Variants in MORC2 observed in about 807,000 individuals in gnomAD.
MORC2 encodes the protein MORC family CW-type zinc finger 2, also known as ATPase MORC2.
A neutral mutation model predicts 136.0 loss-of-function variants in MORC2; 30 were observed. The observed-to-expected ratio is 0.22, with a 90% confidence interval of 0.17 to 0.30. MORC2 has a LOEUF of 0.30. Among genes scored for constraint, MORC2 ranks in the 10% least tolerant of loss-of-function variants. MORC2 has a pLI of 1.00. For synonymous variants in MORC2, 439 were observed against 487.0 expected, an observed-to-expected ratio of 0.90 and a Z score of 1.30; for missense variants, 922 against 1,333.1, an observed-to-expected ratio of 0.69 and a Z score of 4.80.
chr22:30,967,550 G>C (rs1373071741), intron 1 of MORC2: 2 of 1,258,052 alleles, frequency 1.6e-6, no homozygotes, highest in Admixed American at 3.7e-5. Context: ...ACACTTGAAT[G>C]AAACAACTCA....
At chr22:30,967,429 G>A (rs1051983373) in intron 1 of MORC2, 1 of 991,162 alleles carries the variant, frequency 1.0e-6, no homozygotes, top group African/African-American at 1.7e-5. Context: ...GTAAACACTT[G>A]TTATAAACCT....
intron 12 of MORC2, among the ~76,000 whole-genome samples, chr22:30,938,681 T>G (rs1386260059): frequency 6.6e-6 from 1 of 152,176 alleles, no homozygotes; most frequent in African/African-American, 2.4e-5. Flanking sequence ...ACCATTCTCC[T>G]GCCTCAGCCT....
intron 3 of MORC2, 60 bp from the exon 4 acceptor site, chr22:30,950,505 T>C: frequency 6.6e-7 from 1 of 1,520,686 alleles, no homozygotes; most frequent in Non-Finnish European, 9.1e-7. Flanking sequence ...GCAACATGCC[T>C]ATGATCAGAA....
intron 3 of MORC2, among the ~76,000 whole-genome samples, chr22:30,952,767 A>G (rs1447180011): frequency 6.6e-6 from 1 of 152,268 alleles, no homozygotes; most frequent in Non-Finnish European, 1.5e-5. Context: ...GTGCCTGGTT[A>G]TGATGAGGAC....
Position 30,956,749 on chromosome 22 carries a change from A to G in MORC2, c.157+14T>C, listed in dbSNP as rs1333908336. On this transcript the variant is annotated intron_variant, in intron 3 of 25. Coordinates refer to ENST00000397641, the MANE Select transcript of MORC2 (RefSeq NM_001303256.3). ...AGATGAACTAGACATTAGAAGGACT[A>G]AAGCCTGACTTACCTGCATAAATAT... 1 of 1,536,974 alleles carries G rather than the reference A, an allele frequency of 6.5e-7. No individual in the cohort carries two copies. The highest frequency in any genetic ancestry group is 8.8e-7 in the Non-Finnish European group (1 of 1,135,288).
In MORC2 at chr22:30,941,804, A is replaced by G; in HGVS notation, c.698+87T>C. ...CCTACCACAGAACACTGGGCAATGAATGTGCTCTCCCCTCTTTCCCTGAAG... is the reference window on the plus strand; with the variant it reads ...CCTACCACAGAACACTGGGCAATGAGTGTGCTCTCCCCTCTTTCCCTGAAG... On this transcript the variant is annotated intron_variant, in intron 8 of 25. Coordinates refer to ENST00000397641, the MANE Select transcript of MORC2 (RefSeq NM_001303256.3). The surrounding 1 kb of genome is among the most constrained non-coding windows in gnomAD (Gnocchi z 4.6). 7.8e-7 allele frequency: 1 copy of G among 1,275,414 alleles called. No individual in the cohort carries two copies. Among genetic ancestry groups the G allele is most frequent in the East Asian group, 2.3e-5 (1 of 43,200 alleles). The allele number at this position is 1,275,414 out of a possible 1,614,324, so 79.0% of individuals were successfully genotyped here. A position where few individuals can be genotyped will look rare whatever the true frequency, so the allele number is the denominator to read the frequency against.
intron 5 of MORC2, among the ~76,000 whole-genome samples, chr22:30,946,788 T>C (rs935346821): frequency 2.6e-5 from 4 of 151,858 alleles, no homozygotes; most frequent in Admixed American, 1.3e-4. Context: ...CGCTGAAGAG[T>C]AACCCTGCTG....
chr22:30,959,847 G>A (rs1049389715), intron 1 of MORC2, among the ~76,000 whole-genome samples: 3 of 152,122 alleles, frequency 2.0e-5, no homozygotes, highest in Non-Finnish European at 2.9e-5. Flanking sequence ...ATCTCTGATC[G>A]CTTACCATAT....
intron 6 of MORC2, among the ~76,000 whole-genome samples, chr22:30,944,454 C>T (rs2040786597): frequency 6.6e-6 from 1 of 152,064 alleles, no homozygotes; most frequent in Non-Finnish European, 1.5e-5. Context: ...CCCCTTTGTC[C>T]CTCTGGCCCC....
Position 30,967,925 on chromosome 22 carries a change from C to G in MORC2, c.-36G>C, listed in dbSNP as rs768184068. 2 of 1,454,834 alleles carry G rather than the reference C, an allele frequency of 1.4e-6. No individual in the cohort carries two copies. Among genetic ancestry groups the G allele is most frequent in the Non-Finnish European group, 1.9e-6 (2 of 1,059,596 alleles). The allele number at this position is 1,454,834 out of a possible 1,614,324, so 90.1% of individuals were successfully genotyped here. A position where few individuals can be genotyped will look rare whatever the true frequency, so the allele number is the denominator to read the frequency against. On this transcript the variant is annotated 5_prime_UTR_variant, in exon 1 of 26. Transcript: ENST00000397641. ...AGGTCTCCAGCCCTTCACCCGCTAA[C>G]TGGGAAATATAACCTTATAATGATA...
At chr22:30,961,711 G>A (rs971845268) in intron 1 of MORC2, among the ~76,000 whole-genome samples, 1 of 152,198 alleles carries the variant, frequency 6.6e-6, no homozygotes, top group Non-Finnish European at 1.5e-5. Flanking sequence ...CTTTGGTAGT[G>A]AGAATGGTCA....
At chr22:30,928,917 C>T (rs1204039111) in intron 24 of MORC2, among the ~76,000 whole-genome samples, 2 of 152,154 alleles carry the variant, frequency 1.3e-5, no homozygotes, top group African/African-American at 4.8e-5. Context: ...ATGACTTACT[C>T]GTAAATCACT....
chr22:30,927,554 A>T (rs999182079), intron 25 of MORC2, among the ~76,000 whole-genome samples: 9 of 152,196 alleles, frequency 5.9e-5, no homozygotes, highest in Non-Finnish European at 1.3e-4. Flanking sequence ...AACCACCATC[A>T]GTAATTCTCT....
intron 24 of MORC2, among the ~76,000 whole-genome samples, chr22:30,931,756 C>A (rs2040578814): frequency 6.6e-6 from 1 of 152,260 alleles, no homozygotes; most frequent in South Asian, 2.1e-4. Context: ...TTTCTCAGCA[C>A]TCGCTGCTCC....
At chr22:30,946,262 T>G in intron 6 of MORC2, 79 bp downstream of exon 6, 1 of 1,101,172 alleles carries the variant, frequency 9.1e-7, no homozygotes, top group African/African-American at 1.5e-5. Context: ...AGTCTAGCAT[T>G]GCAAATAACC....
At position 30,939,709 on chromosome 22, in the gene MORC2, G is replaced by A. The variant is rs775931904; in HGVS notation, c.988-3C>T. The A allele has an allele frequency of 6.2e-7, 1 of 1,613,626 alleles. No homozygotes were observed. The highest frequency in any genetic ancestry group is 2.2e-5 in the East Asian group (1 of 44,866). ...TTCTGGACCTGTCGCAACATCACCT[G>A]CACACATTGACATCAGGTGAGGGGA... On this transcript the variant is annotated splice_polypyrimidine_tract_variant and splice_region_variant and intron_variant, in intron 11 of 25. Coordinates refer to ENST00000397641, the MANE Select transcript of MORC2 (RefSeq NM_001303256.3).
chr22:30,937,602 G>T lies in MORC2; in HGVS notation c.1479C>A (p.Ile493=), dbSNP rs757605907. 1 of 1,613,026 alleles carries T rather than the reference G, an allele frequency of 6.2e-7. No individual in the cohort carries two copies. Among genetic ancestry groups the T allele is most frequent in the Admixed American group, 1.7e-5 (1 of 60,028 alleles). The change falls in exon 15 of 26, where the codon ATC becomes ATA. Residue 493 remains isoleucine, a synonymous_variant. Coordinates refer to ENST00000397641, the MANE Select transcript of MORC2 (RefSeq NM_001303256.3). This position sits in a 1 kb window ranked among gnomAD's most constrained non-coding sequence, Gnocchi z 4.7. ...LRYKRRRAME[I]PTTIQCDLCL... is the part of the protein sequence containing the mutation. ...ACTCACCGCACTGGATGGTGGTGGG[G>T]ATTTCCATAGCTCTCCGGCGTTTGT...
chr22:30,961,303 A>G lies in MORC2; in HGVS notation c.69-2609T>C, dbSNP rs113329223. Among the ~76,000 whole-genome samples the G allele has an allele frequency of 5.6e-3, 858 of 152,334 alleles. 12 individuals carry two copies. The highest frequency in any genetic ancestry group is 0.02 in the African/African-American group (817 of 41,580). Reference sequence around the variant, plus strand: ...CTTTAAATTACCAACTAAATAAACAAAAAGTATTCTGTAAACTACCCCACT... The same window carrying G: ...CTTTAAATTACCAACTAAATAAACAGAAAGTATTCTGTAAACTACCCCACT... On this transcript the variant is annotated intron_variant, in intron 1 of 25. Coordinates refer to ENST00000397641, the MANE Select transcript of MORC2 (RefSeq NM_001303256.3).
chr22:30,935,787 CAT>C (rs1483406776), intron 17 of MORC2, among the ~76,000 whole-genome samples: 1 of 151,712 alleles, frequency 6.6e-6, no homozygotes, highest in African/African-American at 2.4e-5. Context: ...TAGAAAAAAA[CAT>C]AGAAAAAATA....
Sources: gnomAD v4.1 joint callset for allele counts (sites outside exome capture counted in the v4.1 genomes callset) on GRCh38, gnomAD v4.1.1 for gene constraint, Gnocchi (gnomAD v3.1) non-coding constraint, MANE v1.5 for transcripts, NCBI Gene and HGNC (gene_info 2026-07-23, HGNC 2026-07-21) for gene names.